The following ERAP1 variants were observed in gnomAD, a reference collection of about 807,000 sequenced individuals.
ERAP1 encodes endoplasmic reticulum aminopeptidase 1.
Under a neutral mutation model 103.7 loss-of-function variants are expected in ERAP1, and 86 were observed. That is an observed-to-expected ratio of 0.83 (90% confidence interval 0.70 to 0.99). The LOEUF (loss-of-function observed/expected upper bound fraction) is 0.99, where lower values mean the gene tolerates loss of function less well. Ranked by LOEUF, ERAP1 falls within the 50% of genes least tolerant of loss-of-function variation. The pLI, the probability that ERAP1 is intolerant of heterozygous loss-of-function variation, is 0.00. For missense variants in ERAP1, 1,009 were observed against 1,128.4 expected, an observed-to-expected ratio of 0.89 and a Z score of 1.52; for synonymous variants, 398 against 402.4, an observed-to-expected ratio of 0.99 and a Z score of 0.13.
the ERAP1 span, among the ~76,000 whole-genome samples, chr5:96,912,427 T>C: frequency 6.6e-6 from 1 of 152,152 alleles, no homozygotes. Context: ...CTTGCTAACA[T>C]TTTATCATCA....
chr5:96,798,921 G>A (rs1447451462), intron 3 of ERAP1, among the ~76,000 whole-genome samples: 3 of 139,492 alleles, frequency 2.2e-5, no homozygotes, highest in Non-Finnish European at 4.6e-5. Flanking sequence ...AGGCTAGAGT[G>A]CAATGGCACA....
Position 96,803,537 on chromosome 5 carries a change from T to A in ERAP1, c.390A>T (p.Gln130His). 1 of 1,613,626 alleles carries A rather than the reference T, an allele frequency of 6.2e-7. No individual in the cohort carries two copies. Among genetic ancestry groups the A allele is most frequent in the Non-Finnish European group, 8.5e-7 (1 of 1,179,584 alleles). Residue 130 changes from glutamine to histidine, a missense_variant, in exon 2 of 19, where the codon CAA becomes CAT. By Grantham distance (24) the Gln-to-His change is conservative. Coordinates refer to ENST00000443439, the MANE Select transcript of ERAP1 (RefSeq NM_001040458.3). ...LQVLEHPRQE[Q>H]IALLAPEPLL... Reference sequence around the variant, plus strand: ...GGGGCTCGGGAGCCAGCAGTGCAATTTGCTCCTGACGGGGGTGTTCCAGGA... The same window carrying A: ...GGGGCTCGGGAGCCAGCAGTGCAATATGCTCCTGACGGGGGTGTTCCAGGA...
chr5:96,805,346 G>T (rs1408360473), intron 1 of ERAP1, among the ~76,000 whole-genome samples: 7 of 119,084 alleles, frequency 5.9e-5, no homozygotes, highest in South Asian at 2.7e-4. Context: ...CTGGTTTTTG[G>T]TTTTTTTTTT....
the ERAP1 span, among the ~76,000 whole-genome samples, chr5:96,924,598 A>ATT: frequency 4.8e-5 from 7 of 144,896 alleles, no homozygotes; most frequent in African/African-American, 1.3e-4. Context: ...GGGCTAACAG[A>ATT]TTTTTTTTTT....
At chr5:96,765,815 AT>A (rs1466394760) in intron 19 of ERAP1, among the ~76,000 whole-genome samples, 1 of 90,370 alleles carries the variant, frequency 1.1e-5, no homozygotes, top group Non-Finnish European at 3.2e-5. Flanking sequence ...TCCATTTAAA[AT>A]ATAGCTAGAA....
At chr5:96,801,605 G>A (rs1778000114) in intron 2 of ERAP1, among the ~76,000 whole-genome samples, 2 of 151,842 alleles carry the variant, frequency 1.3e-5, no homozygotes, top group Admixed American at 6.6e-5. Flanking sequence ...TGTAATCTTG[G>A]CACTTTGAGA....
At chr5:96,859,455 C>T in the ERAP1 span, among the ~76,000 whole-genome samples, 38 of 151,998 alleles carry the variant, frequency 2.5e-4, no homozygotes, top group African/African-American at 6.0e-4. Flanking sequence ...ACTAGATTGG[C>T]GGAACCAAAG....
Position 96,774,973 on chromosome 5 carries a change from TCA to T in ERAP1, c.*1421_*1422del, listed in dbSNP as rs1773862122. On this transcript the variant is annotated 3_prime_UTR_variant, in exon 19 of 19. Coordinates refer to ENST00000443439, the MANE Select transcript of ERAP1 (RefSeq NM_001040458.3). ...AGTTTTTGCCTTATATTCAAAAAGT[TCA>T]GTTTGAATTCTCCTTTGCCAGGTGT... is the stretch of plus-strand genomic sequence containing the variant. 2 of 985,452 alleles carry T rather than the reference TCA, an allele frequency of 2.0e-6. No homozygotes were observed. Among genetic ancestry groups the T allele is most frequent in the Non-Finnish European group, 2.4e-6 (2 of 829,934 alleles). The allele number at this position is 985,452 out of a possible 1,614,324, so 61.0% of individuals were successfully genotyped here. A position where few individuals can be genotyped will look rare whatever the true frequency, so the allele number is the denominator to read the frequency against.
chr5:96,803,580 G>A lies in ERAP1; in HGVS notation c.347C>T (p.Ser116Leu), dbSNP rs748728833. 4.9e-5 allele frequency: 79 copies of A among 1,613,932 alleles called. No individual in the cohort carries two copies. Among genetic ancestry groups the A allele is most frequent in the Middle Eastern group, 3.3e-4 (2 of 6,084 alleles). ...TLRKGAGERL[S>L]EEPLQVLEHP... ...TTCCAGGACCTGCAGGGGTTCTTCC[G>A]ATAGCCTCTCTCCAGCTCCCTTCCT... Residue 116 changes from serine to leucine, a missense_variant, in exon 2 of 19, where the codon TCG (serine) becomes TTG (leucine). Ser to Leu is a moderately radical substitution (Grantham distance 145, BLOSUM62 -2). Around this residue, in one of 3 missense-constraint regions of ERAP1, gnomAD observed 392 missense variants for 455.2 expected, o/e 0.86. Transcript: ENST00000443439.
At chr5:96,831,732 C>T in the ERAP1 span, among the ~76,000 whole-genome samples, 3 of 152,184 alleles carry the variant, frequency 2.0e-5, no homozygotes, top group African/African-American at 4.8e-5. Flanking sequence ...GCTGCTATTT[C>T]TTCCTGCAGA....
At chr5:96,772,685 G>C (rs936529321), downstream of ERAP1, 1 of 152,646 alleles carries the variant, frequency 6.6e-6, no homozygotes, top group African/African-American at 2.4e-5. Flanking sequence ...GACTTTTGAA[G>C]AACAAAAGGC....
At chr5:96,836,533 G>A in the ERAP1 span, among the ~76,000 whole-genome samples, 1 of 152,134 alleles carries the variant, frequency 6.6e-6, no homozygotes, top group Admixed American at 6.5e-5. Context: ...ATTAAAGGGA[G>A]ACCTAACTAG....
At chr5:96,886,667 G>T in the ERAP1 span, 2 of 1,534,972 alleles carry the variant, frequency 1.3e-6, no homozygotes, top group South Asian at 1.2e-5. Flanking sequence ...TAAGACAATT[G>T]AACTTGAAGG....
chr5:96,784,486 AAAAT>A (rs1445821990), intron 13 of ERAP1, among the ~76,000 whole-genome samples: 1 of 75,722 alleles, frequency 1.3e-5, no homozygotes, highest in Non-Finnish European at 3.1e-5. Context: ...CCATCTCCAA[AAAAT>A]AAATAAACAA....
the ERAP1 span, chr5:96,880,314 T>G: frequency 6.8e-7 from 1 of 1,470,522 alleles, no homozygotes; most frequent in Non-Finnish European, 9.2e-7. Context: ...CCTTACGAGT[T>G]ACATCTCTTT....
chr5:96,915,647 G>A, the ERAP1 span: 12 of 1,241,208 alleles, frequency 9.7e-6, no homozygotes, highest in Non-Finnish European at 2.2e-6. Context: ...CATAAGGTCA[G>A]TATTTCTATG....
At chr5:96,823,629 G>A in the ERAP1 span, among the ~76,000 whole-genome samples, 1 of 152,160 alleles carries the variant, frequency 6.6e-6, no homozygotes, top group Non-Finnish European at 1.5e-5. Context: ...TACTAGGCTG[G>A]TGAGAAATTC....
chr5:96,892,202 A>G, the ERAP1 span: 2 of 1,263,272 alleles, frequency 1.6e-6, no homozygotes, highest in Admixed American at 4.1e-5. Context: ...GTCTGCTTAA[A>G]TATGCTTAAA....
the ERAP1 span, among the ~76,000 whole-genome samples, chr5:96,842,372 C>T: frequency 0.047 from 7,165 of 152,232 alleles, 210 homozygotes; most frequent in South Asian, 0.11. Context: ...CACTGTTTTC[C>T]GTGGCAGTTG....
Sources: gnomAD v4.1 joint callset for allele counts (sites outside exome capture counted in the v4.1 genomes callset) on GRCh38, gnomAD v4.1.1 for gene constraint, gnomAD v4.1.1 regional missense constraint, MANE v1.5 for transcripts, NCBI Gene and HGNC (gene_info 2026-07-23, HGNC 2026-07-21) for gene names.